Variants in ANKRD35 observed in about 807,000 individuals in gnomAD.
The protein encoded by ANKRD35 is ankyrin repeat domain-containing protein 35.
Under a neutral mutation model 109.9 loss-of-function variants are expected in ANKRD35, and 102 were observed. That is an observed-to-expected ratio of 0.93 (90% CI 0.79 to 1.09). The LOEUF (loss-of-function observed/expected upper bound fraction) is 1.09. Ranked by LOEUF, ANKRD35 falls within the 50% of genes least tolerant of loss-of-function variation. The pLI is 0.00. For synonymous variants in ANKRD35, 515 were observed against 512.4 expected, an observed-to-expected ratio of 1.01 and a Z score of -0.07; for missense variants, 1,240 against 1,230.1, an observed-to-expected ratio of 1.01 and a Z score of -0.12.
In ANKRD35 at chr1:145,873,218, G is replaced by T; in HGVS notation, c.1551C>A (p.Val517=). 1 of 1,613,998 alleles carries T rather than the reference G, an allele frequency of 6.2e-7. No homozygotes were observed. The highest frequency in any genetic ancestry group is 1.1e-5 in the South Asian group (1 of 91,066). ...DAARGALSRP[V]MEGALGTPRA... is the part of the protein sequence containing the mutation. ...GGGGAGTCCCCAGGGCTCCCTCCAT[G>T]ACCGGTCTTGACAAAGCCCCCCGGG... is the stretch of plus-strand genomic sequence containing the variant. The change falls in exon 10 of 14, where the codon GTC becomes GTA. Residue 517 remains valine, a synonymous_variant. Coordinates refer to ENST00000355594, the MANE Select transcript of ANKRD35 (RefSeq NM_144698.5).
In ANKRD35 at chr1:145,873,904, C is replaced by T. The variant is rs1653957760; in HGVS notation, c.865G>A (p.Glu289Lys). ...TCCTCCGAGCACGGGTCTTCATCCT[C>T]CTTCTCCTCTTGCTCCTCTTCAGGC... is the stretch of plus-strand genomic sequence containing the variant. ...AEPEEEQEEKEDEDPCSEEWR... is the reference protein window; with the variant it reads ...AEPEEEQEEKKDEDPCSEEWR... Residue 289 changes from glutamate (E) to lysine (K), a missense_variant, in exon 10 of 14, where the codon GAG (glutamate) becomes AAG (lysine). By Grantham distance (56) the Glu-to-Lys change is moderately conservative. Coordinates refer to ENST00000355594, the MANE Select transcript of ANKRD35 (RefSeq NM_144698.5). 1 of 1,614,254 alleles carries T rather than the reference C, an allele frequency of 6.2e-7. No homozygotes were observed. The highest frequency in any genetic ancestry group is 1.3e-5 in the African/African-American group (1 of 75,076).
intron 1 of ANKRD35, among the ~76,000 whole-genome samples, chr1:145,885,232 T>C (rs1553741689): frequency 2.0e-5 from 3 of 151,924 alleles, no homozygotes; most frequent in African/African-American, 7.3e-5. Flanking sequence ...GGAGTGCTTG[T>C]TGAACTAACA....
At chr1:145,869,537 G>A (rs587682257) in intron 10 of ANKRD35, among the ~76,000 whole-genome samples, 1 of 151,864 alleles carries the variant, frequency 6.6e-6, no homozygotes, top group South Asian at 2.1e-4. Context: ...GTGCAGTGAT[G>A]TGATCTCAGC....
In ANKRD35 at chr1:145,872,327, G is replaced by C. The variant is rs1559172612; in HGVS notation, c.2442C>G (p.Leu814=). The C allele has an allele frequency of 6.2e-7, 1 of 1,612,874 alleles. No individual in the cohort carries two copies. Reference sequence around the variant, plus strand: ...CAGCCACTTCCTCTGTGGCTTGGTAGAGCAGCTGCTTCAGCTTTCCGATCT... The same window carrying C: ...CAGCCACTTCCTCTGTGGCTTGGTACAGCAGCTGCTTCAGCTTTCCGATCT... ...SQEIGKLKQL[L]YQATEEVAEL... The change falls in exon 10 of 14, where the codon CTC becomes CTG. Residue 814 remains leucine, a synonymous_variant. Transcript: ENST00000355594.
rs144793331 is a variant in ANKRD35, at chr1:145,872,686, C to G, written c.2083G>C (p.Ala695Pro). ...EATEKLRKLL[A>P]SQSSGLRGLW... ...CCTCGGAGACCGCTGCTCTGGGAGG[C>G]CAGGAGCTTCCGCAGCTTCTCTGTG... is the stretch of plus-strand genomic sequence containing the variant. Residue 695 changes from alanine (A) to proline (P), a missense_variant, in exon 10 of 14, where the codon GCC (alanine) becomes CCC (proline). Transcript: ENST00000355594. The G allele has an allele frequency of 6.2e-7, 1 of 1,614,034 alleles. No individual in the cohort carries two copies. Among genetic ancestry groups the G allele is most frequent in the Non-Finnish European group, 8.5e-7 (1 of 1,180,028 alleles).
At chr1:145,869,860 G>T (rs1479684592) in intron 10 of ANKRD35, among the ~76,000 whole-genome samples, 1 of 152,186 alleles carries the variant, frequency 6.6e-6, no homozygotes, top group Non-Finnish European at 1.5e-5. Flanking sequence ...ATGAAATCAT[G>T]ATTTGAACCA....
rs587664764 is a variant in ANKRD35 at position 145,874,162 on chromosome 1, G to T, written c.776C>A (p.Ala259Glu). 6.2e-6 allele frequency: 10 copies of T among 1,614,152 alleles called. No homozygotes were observed. The African/African-American group carries it at 1.3e-4, about 22-fold the overall frequency. ...GQRLVQHPDL[A>E]SQASPSEPQA... ...AGGCACTTAGGGTCTTACCTGGGAT[G>T]CGAGATCTGGGTGCTGGACTAGCCT... is the stretch of plus-strand genomic sequence containing the variant. Residue 259 changes from alanine (A) to glutamate (E), a missense_variant, in exon 9 of 14, where the codon GCA (alanine) becomes GAA (glutamate). Physicochemically the swap from Ala to Glu is moderately radical, Grantham distance 107 (BLOSUM62 -1). Transcript: ENST00000355594.
chr1:145,878,490 C>G lies in ANKRD35; in HGVS notation c.171-11G>C. 1 of 1,561,144 alleles carries G rather than the reference C, an allele frequency of 6.4e-7. No individual in the cohort carries two copies. Among genetic ancestry groups the G allele is most frequent in the Admixed American group, 1.9e-5 (1 of 51,994 alleles). On this transcript the variant is annotated splice_polypyrimidine_tract_variant and intron_variant, in intron 2 of 13. Coordinates refer to ENST00000355594, the MANE Select transcript of ANKRD35 (RefSeq NM_144698.5). ...GCTGCCAGATGAAACCTGCCAGAAT[C>G]AAGGCCGAGAGGCCAAAGGATAAAG...
rs147843027 is a variant in ANKRD35 at position 145,872,872 on chromosome 1, C to G, written c.1897G>C (p.Glu633Gln). ...SNSNLLEELG[E>Q]LGRERQRLQR... is the part of the protein sequence containing the mutation. ...AACCTCTGCCGCTCCCGCCCCAACT[C>G]CCCTAACTCCTCCAGCAAGTTACTG... is the stretch of plus-strand genomic sequence containing the variant. The change falls in exon 10 of 14, where the codon GAG (glutamate) becomes CAG (glutamine). Residue 633 changes from glutamate to glutamine, a missense_variant. By Grantham distance (29) the Glu-to-Gln change is conservative. Coordinates refer to ENST00000355594, the MANE Select transcript of ANKRD35 (RefSeq NM_144698.5). 3 of 1,614,014 alleles carry G rather than the reference C, an allele frequency of 1.9e-6. No homozygotes were observed. Among genetic ancestry groups the G allele is most frequent in the African/African-American group, 2.7e-5 (2 of 74,930 alleles).
chr1:145,868,964 T>C (rs953193063), intron 10 of ANKRD35, among the ~76,000 whole-genome samples: 4 of 152,194 alleles, frequency 2.6e-5, no homozygotes, highest in African/African-American at 9.7e-5. Context: ...TTGTTTTTAT[T>C]TTTTTAAAAC....
At chr1:145,883,051 G>A (rs900440090) in intron 1 of ANKRD35, among the ~76,000 whole-genome samples, 7 of 149,800 alleles carry the variant, frequency 4.7e-5, no homozygotes, top group African/African-American at 9.9e-5. Flanking sequence ...AATTCTCAAC[G>A]TTGTAATTGC....
chr1:145,869,249 A>T (rs1410708789), intron 10 of ANKRD35, among the ~76,000 whole-genome samples: 1 of 152,086 alleles, frequency 6.6e-6, no homozygotes, highest in Non-Finnish European at 1.5e-5. Flanking sequence ...CAGTGACACC[A>T]TCTGCTCACT....
chr1:145,867,294 A>T lies in ANKRD35; in HGVS notation c.*36T>A. ...CCTTAACCCACAACTCACAACAGAG[A>T]ATCTCGTATCCCTGAGGGCACACAG... On this transcript the variant is annotated 3_prime_UTR_variant, in exon 13 of 14. Coordinates refer to ENST00000355594, the MANE Select transcript of ANKRD35 (RefSeq NM_144698.5). The T allele has an allele frequency of 6.3e-7, 1 of 1,598,594 alleles. No homozygotes were observed. The highest frequency in any genetic ancestry group is 1.1e-5 in the South Asian group (1 of 90,734).
intron 1 of ANKRD35, among the ~76,000 whole-genome samples, chr1:145,883,908 A>G (rs997062464): frequency 1.9e-4 from 29 of 152,230 alleles, no homozygotes; most frequent in African/African-American, 7.0e-4. Context: ...AAACCCATCC[A>G]ACTTACTTCC....
rs1287742540 is a variant in ANKRD35 at position 145,878,373 on chromosome 1, G to A, written c.259+18C>T. The A allele has an allele frequency of 6.4e-7, 1 of 1,557,572 alleles. No homozygotes were observed. Among genetic ancestry groups the A allele is most frequent in the East Asian group, 2.4e-5 (1 of 41,550 alleles). On this transcript the variant is annotated intron_variant, in intron 3 of 13. Coordinates refer to ENST00000355594, the MANE Select transcript of ANKRD35 (RefSeq NM_144698.5). ...AGGGGCAAGCAAGCAGCGTGGCCCA[G>A]TGCTCCGGCTCACTCACCATCCTCA...
intron 8 of ANKRD35, among the ~76,000 whole-genome samples, 188 bp downstream of exon 8, chr1:145,874,634 A>G (rs1653989415): frequency 6.6e-6 from 1 of 152,230 alleles, no homozygotes; most frequent in Non-Finnish European, 1.5e-5. Context: ...AGGCTGCATT[A>G]AAGAATTTTG....
In ANKRD35 at chr1:145,874,961, A is replaced by G; in HGVS notation, c.606T>C (p.Ala202=). The part of the protein sequence containing the change: ...LACEKGSAEV[A]ELLLSHGADA... The stretch of plus-strand genomic sequence containing the variant: ...CAGCTCCGTGGCTCAGGAGCAGTTC[A>G]GCCACCTCGGCACTGCCTTTCTCAC... Residue 202 remains alanine, a synonymous_variant, in exon 8 of 14, where the codon GCT becomes GCC. Transcript: ENST00000355594. 3 of 1,612,710 alleles carry G rather than the reference A, an allele frequency of 1.9e-6. No homozygotes were observed. Among genetic ancestry groups the G allele is most frequent in the Non-Finnish European group, 2.5e-6 (3 of 1,179,414 alleles).
intron 10 of ANKRD35, among the ~76,000 whole-genome samples, chr1:145,871,285 T>C (rs1653811266): frequency 6.8e-6 from 1 of 147,644 alleles, no homozygotes; most frequent in Non-Finnish European, 1.5e-5. Flanking sequence ...TGCCTCAGCC[T>C]CCTGAGTAGC....
Position 145,871,540 on chromosome 1 carries a change from G to A in ANKRD35, c.2787+442C>T, listed in dbSNP as rs938007226. On this transcript the variant is annotated intron_variant, in intron 10 of 13. Coordinates refer to ENST00000355594, the MANE Select transcript of ANKRD35 (RefSeq NM_144698.5). Reference sequence around the variant, plus strand: ...GTAGAACCCACCCTGAAGTGGAGGCGAGAAGAGCAGCTCTCGCTGGGTCTA... The same window carrying A: ...GTAGAACCCACCCTGAAGTGGAGGCAAGAAGAGCAGCTCTCGCTGGGTCTA... Among the ~76,000 whole-genome samples the A allele has an allele frequency of 3.3e-5, 5 of 152,120 alleles. No homozygotes were observed. The South Asian group carries it at 6.2e-4, about 19-fold the overall frequency.
Sources: allele counts gnomAD v4.1 joint callset (sites outside exome capture counted in the v4.1 genomes callset), GRCh38; gene constraint gnomAD v4.1.1; transcripts MANE v1.5; gene names NCBI Gene and HGNC (gene_info 2026-07-23, HGNC 2026-07-21).